Variants in NEK10 observed in about 807,000 individuals in gnomAD.
The protein encoded by NEK10 is NIMA related kinase 10.
NEK10 carries 122 observed loss-of-function variants against 159.8 expected under a neutral mutation model. The observed-to-expected ratio is 0.76, with a 90% CI of 0.66 to 0.89. The LOEUF is 0.89. NEK10 is among the 40% of genes least tolerant of loss of function. The pLI, the probability that NEK10 is intolerant of heterozygous loss-of-function variation, is 0.00. For missense variants in NEK10, 1,342 were observed against 1,323.1 expected (o/e 1.01, Z -0.22); for synonymous variants, 466 against 457.1 (o/e 1.02, Z -0.25).
intron 23 of NEK10, among the ~76,000 whole-genome samples, chr3:27,203,915 T>C (rs979311434): frequency 6.6e-6 from 1 of 152,194 alleles, no homozygotes; most frequent in Non-Finnish European, 1.5e-5. Context: ...AATGGGGGAA[T>C]TGGGGCTGAG....
chr3:27,142,566 T>C (rs1031687631), intron 30 of NEK10, among the ~76,000 whole-genome samples: 5 of 151,936 alleles, frequency 3.3e-5, no homozygotes, highest in African/African-American at 7.2e-5. Flanking sequence ...TCACACAACA[T>C]TGAGCTACTA....
intron 30 of NEK10, among the ~76,000 whole-genome samples, chr3:27,148,627 T>C (rs2148726323): frequency 6.6e-6 from 1 of 152,344 alleles, no homozygotes; most frequent in South Asian, 2.1e-4. Context: ...AAATCCACTA[T>C]AAATTACTAA....
At chr3:27,319,704 G>A (rs191338759) in intron 6 of NEK10, among the ~76,000 whole-genome samples, 84 of 152,076 alleles carry the variant, frequency 5.5e-4, no homozygotes, top group Non-Finnish European at 9.9e-4. Flanking sequence ...GCCTTGGCCA[G>A]GAAGAGGAAT....
chr3:27,314,843 C>G (rs970675369), intron 6 of NEK10, among the ~76,000 whole-genome samples: 5 of 152,144 alleles, frequency 3.3e-5, no homozygotes, highest in African/African-American at 1.2e-4. Context: ...AATCCTGCAC[C>G]CACCCCAGAC....
At chr3:27,178,110 T>G (rs1401893200) in intron 26 of NEK10, among the ~76,000 whole-genome samples, 1 of 152,160 alleles carries the variant, frequency 6.6e-6, no homozygotes, top group Non-Finnish European at 1.5e-5. Context: ...TCAGCACCAT[T>G]ATAGAAGATG....
chr3:27,116,056 G>A lies in NEK10; in HGVS notation c.3243+19C>T, dbSNP rs554717418. 1.2e-6 allele frequency: 2 copies of A among 1,613,074 alleles called. No individual in the cohort carries two copies. The highest frequency in any genetic ancestry group is 1.7e-6 in the Non-Finnish European group (2 of 1,179,280). ...AAGTAACAAAATAAAATCATTCAGAGACACTGCAAAAACCTCACCTGCATC... is the reference window on the plus strand; with the variant it reads ...AAGTAACAAAATAAAATCATTCAGAAACACTGCAAAAACCTCACCTGCATC... On this transcript the variant is annotated intron_variant, in intron 34 of 35. Transcript: ENST00000691995.
intron 32 of NEK10, among the ~76,000 whole-genome samples, chr3:27,120,745 A>G (rs1478708297): frequency 6.6e-6 from 1 of 152,210 alleles, no homozygotes; most frequent in African/African-American, 2.4e-5. Flanking sequence ...TATTTATTAA[A>G]GTTTCAATCA....
At chr3:27,243,820 T>C (rs1213424444) in intron 23 of NEK10, among the ~76,000 whole-genome samples, 12 of 143,998 alleles carry the variant, frequency 8.3e-5, no homozygotes, top group Admixed American at 8.3e-4. Flanking sequence ...TACACTTGAC[T>C]GACACCATGG....
chr3:27,147,778 A>G (rs1011072135), intron 30 of NEK10, among the ~76,000 whole-genome samples: 4 of 152,224 alleles, frequency 2.6e-5, no homozygotes, highest in African/African-American at 9.6e-5. Flanking sequence ...CAAGAACTTG[A>G]TCACAAAAAT....
intron 5 of NEK10, among the ~76,000 whole-genome samples, chr3:27,335,877 A>C (rs951009242): frequency 1.3e-5 from 2 of 152,222 alleles, no homozygotes; most frequent in African/African-American, 4.8e-5. Flanking sequence ...CTAAGAAGGA[A>C]GTTTATAGCA....
chr3:27,160,168 A>G (rs1040079962), intron 30 of NEK10, among the ~76,000 whole-genome samples: 1 of 152,212 alleles, frequency 6.6e-6, no homozygotes, highest in African/African-American at 2.4e-5. Context: ...ATTTTTCATA[A>G]CAAATGCTTA....
intron 18 of NEK10, 37 bp from the exon 19 acceptor site, chr3:27,290,791 C>T (rs62255594): frequency 0.24 from 364,546 of 1,513,836 alleles, 46,662 homozygotes; most frequent in Middle Eastern, 0.39. Context: ...ACAAAAGGAA[C>T]AGGGTAAAGA....
intron 1 of NEK10, among the ~76,000 whole-genome samples, chr3:27,353,349 G>T (rs1559550874): frequency 6.6e-6 from 1 of 152,054 alleles, no homozygotes; most frequent in Non-Finnish European, 1.5e-5. Context: ...TCAATGCCAC[G>T]GTTTGACTTC....
At position 27,256,906 on chromosome 3, in the gene NEK10, TTCTC is replaced by T. The variant is rs1297546517; in HGVS notation, c.2015-539_2015-536del. Among the ~76,000 whole-genome samples, 15 of 146,452 alleles carry T rather than the reference TTCTC, an allele frequency of 1.0e-4. No individual in the cohort carries two copies. The South Asian group carries it at 2.8e-3, about 27-fold the overall frequency. ...AAATATCTTCAGGTACTTCTCTTTT[TTCTC>T]TCTTTTTTTTTTTTTTTTTTTTTGA... On this transcript the variant is annotated intron_variant, in intron 22 of 35. Coordinates refer to ENST00000691995, the MANE Select transcript of NEK10 (RefSeq NM_001394966.1).
chr3:27,292,938 C>A (rs2043105118), intron 16 of NEK10, among the ~76,000 whole-genome samples: 1 of 152,114 alleles, frequency 6.6e-6, no homozygotes, highest in Non-Finnish European at 1.5e-5. Flanking sequence ...TATATTAACT[C>A]AATACTTTAT....
chr3:27,162,758 C>A lies in NEK10; in HGVS notation c.2832-20G>T. ...AAGTCCCTGAAAATAGAATTACAGGCCATTAGAATGACCTGTTCAACTTGG... is the reference window on the plus strand; with the variant it reads ...AAGTCCCTGAAAATAGAATTACAGGACATTAGAATGACCTGTTCAACTTGG... On this transcript the variant is annotated intron_variant, in intron 29 of 35. Transcript: ENST00000691995. 6.2e-7 allele frequency: 1 copy of A among 1,613,978 alleles called. No individual in the cohort carries two copies. The highest frequency in any genetic ancestry group is 1.1e-5 in the South Asian group (1 of 91,074).
intron 23 of NEK10, among the ~76,000 whole-genome samples, chr3:27,206,278 A>G (rs1175243639): frequency 1.3e-5 from 2 of 152,172 alleles, no homozygotes; most frequent in Non-Finnish European, 2.9e-5. Flanking sequence ...TCACTCTTCT[A>G]CCTGCTTGGA....
rs924102774 is a variant in NEK10, at chr3:27,287,697, C to A, written c.1789+1G>T. ...GAAATATCATGAAAACTCATACTTA[C>A]TTTCCAGAAATGTTTTGTAATAACG... On this transcript the variant is annotated splice_donor_variant, in intron 20 of 35. Coordinates refer to ENST00000691995, the MANE Select transcript of NEK10 (RefSeq NM_001394966.1). LOFTEE classifies it high-confidence loss of function. 6.4e-7 allele frequency: 1 copy of A among 1,565,106 alleles called. No homozygotes were observed. The highest frequency in any genetic ancestry group is 1.4e-5 in the African/African-American group (1 of 71,790).
chr3:27,209,922 G>A (rs1306501428), intron 23 of NEK10, among the ~76,000 whole-genome samples: 1 of 152,128 alleles, frequency 6.6e-6, no homozygotes, highest in Admixed American at 6.5e-5. Context: ...CTACATTCAT[G>A]AAATAAACAG....
Sources: gnomAD v4.1 joint callset for allele counts (sites outside exome capture counted in the v4.1 genomes callset) on GRCh38, gnomAD v4.1.1 for gene constraint, MANE v1.5 for transcripts, NCBI Gene and HGNC (gene_info 2026-07-23, HGNC 2026-07-21) for gene names.